The following ZNF518B variants were observed in gnomAD, a reference collection of about 807,000 sequenced individuals.
ZNF518B encodes zinc finger protein 518B.
Under a neutral mutation model 56.3 loss-of-function variants are expected in ZNF518B, and 23 were observed. The ratio of observed to expected loss-of-function variants is 0.41; its 90% confidence interval spans 0.29 to 0.58. ZNF518B has a LOEUF of 0.58. ZNF518B is among the 20% of genes least tolerant of loss of function. The pLI, the probability that ZNF518B is intolerant of heterozygous loss-of-function variation, is 0.32. For synonymous variants in ZNF518B, 529 were observed against 465.9 expected (o/e 1.14, Z -1.74); for missense variants, 1,460 against 1,272.1 (o/e 1.15, Z -2.25).
intron 2 of ZNF518B, chr4:10,454,167 G>A (rs935611633): frequency 6.6e-5 from 10 of 152,240 alleles, no homozygotes; most frequent in African/African-American, 2.4e-4. Context: ...TGGGTGCCTG[G>A]AGGTGGGGTG....
At chr4:10,454,481 T>C (rs1715450910) in intron 2 of ZNF518B, 1 of 152,216 alleles carries the variant, frequency 6.6e-6, no homozygotes, top group Non-Finnish European at 1.5e-5. Context: ...GTGAATGTTC[T>C]ATCAATGATC....
chr4:10,440,667 T>A lies in ZNF518B; in HGVS notation c.*2437A>T, dbSNP rs761619337. On this transcript the variant is annotated 3_prime_UTR_variant, in exon 3 of 3. Transcript: ENST00000326756. ...AAATCCTAAAAAGCTTTGCTACATATTCTACTCACACAATTAAGCTCCATC... is the reference window on the plus strand; with the variant it reads ...AAATCCTAAAAAGCTTTGCTACATAATCTACTCACACAATTAAGCTCCATC... The A allele has an allele frequency of 6.6e-6, 1 of 152,246 alleles. No individual in the cohort carries two copies. The highest frequency in any genetic ancestry group is 1.5e-5 in the Non-Finnish European group (1 of 68,036). 9.4% of individuals were successfully genotyped at this position (152,246 alleles called of 1,614,324 possible).
chr4:10,449,173 G>A (rs1715197644), intron 2 of ZNF518B, among the ~76,000 whole-genome samples: 1 of 152,192 alleles, frequency 6.6e-6, no homozygotes, highest in South Asian at 2.1e-4. Flanking sequence ...CTGGTGATAA[G>A]GGGGATCTGG....
chr4:10,456,485 C>T (rs1715532064), intron 1 of ZNF518B, among the ~76,000 whole-genome samples: 1 of 152,174 alleles, frequency 6.6e-6, no homozygotes, highest in Non-Finnish European at 1.5e-5. Context: ...TTCACCATCT[C>T]TTCTCAACCT....
Position 10,446,258 on chromosome 4 carries a change from G to A in ZNF518B, c.71C>T (p.Pro24Leu). The A allele has an allele frequency of 6.2e-7, 1 of 1,614,054 alleles. No individual in the cohort carries two copies. Among genetic ancestry groups the A allele is most frequent in the South Asian group, 1.1e-5 (1 of 91,084 alleles). Residue 24 changes from proline to leucine, a missense_variant, in exon 3 of 3, where the codon CCC becomes CTC. By Grantham distance (98) the Pro-to-Leu change is moderately conservative. Transcript: ENST00000326756. The part of the protein sequence containing the change: ...NGGHNSLTMS[P>L]KQPDANGAPR... ...TGCTCCATTAGCATCAGGCTGTTTG[G>A]GTGACATGGTCAAGGAATTATGTCC...
Position 10,444,306 on chromosome 4 carries a change from A to C in ZNF518B, c.2023T>G (p.Ser675Ala). 1 of 1,614,132 alleles carries C rather than the reference A, an allele frequency of 6.2e-7. No individual in the cohort carries two copies. Among genetic ancestry groups the C allele is most frequent in the Non-Finnish European group, 8.5e-7 (1 of 1,180,018 alleles). The change falls in exon 3 of 3, where the codon TCC becomes GCC. Residue 675 changes from serine to alanine, a missense_variant. Coordinates refer to ENST00000326756, the MANE Select transcript of ZNF518B (RefSeq NM_053042.3). ...LRRKIAQLIE[S>A]CGKPSSLASN... Reference sequence around the variant, plus strand: ...GCCAAAGATGACGGCTTCCCACAGGACTCAATTAACTGAGCTATCTTTCTG... The same window carrying C: ...GCCAAAGATGACGGCTTCCCACAGGCCTCAATTAACTGAGCTATCTTTCTG...
chr4:10,460,259 C>G (rs186960806), upstream of ZNF518B, among the ~76,000 whole-genome samples: 1 of 135,890 alleles, frequency 7.4e-6, no homozygotes, highest in African/African-American at 2.8e-5. Context: ...GAGCCAAGAA[C>G]GAGCCACTGC....
rs371512892 is a variant in ZNF518B, at chr4:10,441,966, TC to T, written c.*1137del. On this transcript the variant is annotated 3_prime_UTR_variant, in exon 3 of 3. Coordinates refer to ENST00000326756, the MANE Select transcript of ZNF518B (RefSeq NM_053042.3). ...AGTGGGAGGTCTCCATTTTGTTGAT[TC>T]CTGCCATTTTCTAGTAATCGCATGA... 6.6e-6 allele frequency: 1 copy of T among 152,348 alleles called. No homozygotes were observed. The highest frequency in any genetic ancestry group is 2.4e-5 in the African/African-American group (1 of 41,574). 9.4% of individuals were successfully genotyped at this position (152,348 alleles called of 1,614,324 possible). A position where few individuals can be genotyped will look rare whatever the true frequency, so the allele number is the denominator to read the frequency against.
Position 10,442,339 on chromosome 4 carries a change from C to T in ZNF518B, c.*765G>A, listed in dbSNP as rs1714718460. 1 of 152,172 alleles carries T rather than the reference C, an allele frequency of 6.6e-6. No individual in the cohort carries two copies. The highest frequency in any genetic ancestry group is 2.4e-5 in the African/African-American group (1 of 41,444). 9.4% of individuals were successfully genotyped at this position (152,172 alleles called of 1,614,324 possible). On this transcript the variant is annotated 3_prime_UTR_variant, in exon 3 of 3. Coordinates refer to ENST00000326756, the MANE Select transcript of ZNF518B (RefSeq NM_053042.3). ...AAGAGAAAATAGTTTTAGATATTTT[C>T]CTTTTGTAATCTCTTTTTGTCTTTG...
chr4:10,444,390 G>A lies in ZNF518B; in HGVS notation c.1939C>T (p.Pro647Ser). ...GAGCTATTCCACTTAATGCCCTCGG[G>A]GACATTTTCAGATCCAGAGCTCAGA... ...FSLSSGSENV[P>S]EGIKWNSSTS... The change falls in exon 3 of 3, where the codon CCC (proline) becomes TCC (serine). Residue 647 changes from proline (P) to serine (S), a missense_variant. Physicochemically the swap from Pro to Ser is moderately conservative, Grantham distance 74. Coordinates refer to ENST00000326756, the MANE Select transcript of ZNF518B (RefSeq NM_053042.3). 2 of 1,614,058 alleles carry A rather than the reference G, an allele frequency of 1.2e-6. No individual in the cohort carries two copies. The highest frequency in any genetic ancestry group is 1.7e-6 in the Non-Finnish European group (2 of 1,179,994).
chr4:10,452,508 ACATTAGACATCAACTGCCAAAATTTCCC>A (rs1373020497), intron 2 of ZNF518B: 1 of 152,164 alleles, frequency 6.6e-6, no homozygotes, highest in African/African-American at 2.4e-5. Flanking sequence ...AAAAAAATCA[ACATTAGACATCAACTGCCAAAATTTCCC>A]CAGTAGGATG....
At chr4:10,446,911 C>T (rs1715083917) in intron 2 of ZNF518B, among the ~76,000 whole-genome samples, 2 of 152,220 alleles carry the variant, frequency 1.3e-5, no homozygotes, top group South Asian at 4.1e-4. Flanking sequence ...ATACAGGACA[C>T]TGTCAGTTCA....
intron 2 of ZNF518B, among the ~76,000 whole-genome samples, chr4:10,447,631 A>G (rs1043077462): frequency 1.3e-5 from 2 of 150,308 alleles, no homozygotes; most frequent in African/African-American, 4.9e-5. Context: ...AAGCACTCCA[A>G]TATACACAGA....
rs1417832358 is a variant in ZNF518B at position 10,445,231 on chromosome 4, C to T, written c.1098G>A (p.Leu366=). The T allele has an allele frequency of 1.2e-6, 2 of 1,614,026 alleles. No individual in the cohort carries two copies. Among genetic ancestry groups the T allele is most frequent in the Non-Finnish European group, 1.7e-6 (2 of 1,180,032 alleles). Residue 366 remains leucine (L), a synonymous_variant, in exon 3 of 3, where the codon CTG becomes CTA. Transcript: ENST00000326756. ...CAGCTTCAAGGCAATTATTTTCTTC[C>T]AGCGGAAACAGTTTCAGAACAAGCT... The part of the protein sequence containing the change: ...TQQLVLKLFP[L]EENNCLEAGR...
At position 10,444,247 on chromosome 4, in the gene ZNF518B, C is replaced by T. The variant is rs1242628018; in HGVS notation, c.2082G>A (p.Gln694=). 10 of 1,614,068 alleles carry T rather than the reference C, an allele frequency of 6.2e-6. No individual in the cohort carries two copies. The highest frequency in any genetic ancestry group is 8.5e-6 in the Non-Finnish European group (10 of 1,180,038). Residue 694 remains glutamine, a synonymous_variant, in exon 3 of 3, where the codon CAG becomes CAA. Coordinates refer to ENST00000326756, the MANE Select transcript of ZNF518B (RefSeq NM_053042.3). The part of the protein sequence containing the change: ...SNSAHRRSVG[Q]ASKGTSKATS... ...TAGCTTTTGAAGTTCCCTTTGATGC[C>T]TGCCCTACAGAGCGACGATGTGCAC...
At chr4:10,461,232 G>C (rs990843812), upstream of ZNF518B, among the ~76,000 whole-genome samples, 1 of 152,256 alleles carries the variant, frequency 6.6e-6, no homozygotes, top group African/African-American at 2.4e-5. Flanking sequence ...AGGCGCTGGA[G>C]CGTGGCTAAG....
chr4:10,444,223 A>G lies in ZNF518B; in HGVS notation c.2106T>C (p.Ala702=), dbSNP rs773361348. 1 of 1,614,238 alleles carries G rather than the reference A, an allele frequency of 6.2e-7. No individual in the cohort carries two copies. Among genetic ancestry groups the G allele is most frequent in the South Asian group, 1.1e-5 (1 of 91,086 alleles). ...TGATTTCTTGAATACCTTCAGAGGT[A>G]GCTTTTGAAGTTCCCTTTGATGCCT... ...VGQASKGTSK[A]TSEGIQEINV... Residue 702 remains alanine, a synonymous_variant, in exon 3 of 3, where the codon GCT becomes GCC. Transcript: ENST00000326756.
Position 10,443,343 on chromosome 4 carries a change from T to A in ZNF518B, c.2986A>T (p.Asn996Tyr). Residue 996 changes from asparagine to tyrosine, a missense_variant, in exon 3 of 3, where the codon AAT becomes TAT. By Grantham distance (143) the Asn-to-Tyr change is moderately radical. Coordinates refer to ENST00000326756, the MANE Select transcript of ZNF518B (RefSeq NM_053042.3). ...RRHHVRLTYQ[N>Y]AEEASQIKRQ... The stretch of plus-strand genomic sequence containing the variant: ...TTAATTTGACTGGCTTCTTCCGCAT[T>A]CTGGTAGGTCAGGCGTACATGATGC... The A allele has an allele frequency of 6.2e-7, 1 of 1,614,260 alleles. No homozygotes were observed. The highest frequency in any genetic ancestry group is 1.1e-5 in the South Asian group (1 of 91,090).
rs1714764104 is a variant in ZNF518B, at chr4:10,443,247, G to A, written c.3082C>T (p.Pro1028Ser). Residue 1028 changes from proline (P) to serine (S), a missense_variant, in exon 3 of 3, where the codon CCT becomes TCT. Transcript: ENST00000326756. ...KNNYQVVDSL[P>S]DDSSQCVFKC... ...AATACACACTGTGAAGAATCATCAG[G>A]CAAGGAATCCACTACCTGGTAGTTG... 1 of 1,614,122 alleles carries A rather than the reference G, an allele frequency of 6.2e-7. No individual in the cohort carries two copies. The highest frequency in any genetic ancestry group is 8.5e-7 in the Non-Finnish European group (1 of 1,180,028).
Sources: allele counts gnomAD v4.1 joint callset (sites outside exome capture counted in the v4.1 genomes callset), GRCh38; gene constraint gnomAD v4.1.1; transcripts MANE v1.5; gene names NCBI Gene and HGNC (gene_info 2026-07-23, HGNC 2026-07-21).